The following FIGN variants were observed in gnomAD, a reference collection of about 807,000 sequenced individuals.
The protein encoded by FIGN is fidgetin, microtubule severing factor.
FIGN carries 11 observed loss-of-function variants against 51.3 expected under a neutral mutation model. The ratio of observed to expected loss-of-function variants is 0.21; its 90% CI spans 0.13 to 0.35. The LOEUF (loss-of-function observed/expected upper bound fraction) is 0.35, where lower values mean the gene tolerates loss of function less well. FIGN is among the 10% of genes least tolerant of loss of function. The pLI, the probability that FIGN is intolerant of heterozygous loss-of-function variation, is 1.00. For synonymous variants in FIGN, 407 were observed against 363.2 expected (o/e 1.12, Z -1.37); for missense variants, 857 against 943.6 (o/e 0.91, Z 1.20).
intron 2 of FIGN, among the ~76,000 whole-genome samples, chr2:163,665,018 A>G (rs1006830657): frequency 1.3e-5 from 2 of 152,262 alleles, no homozygotes; most frequent in African/African-American, 4.8e-5. Context: ...GTAATTCAGA[A>G]GATAATTGAT....
chr2:163,617,249 T>C (rs1403244774), intron 2 of FIGN: 1 of 984,474 alleles, frequency 1.0e-6, no homozygotes. Context: ...TTTTACCTAA[T>C]TTTGTTCCAT....
chr2:163,618,477 C>T (rs185289801), intron 2 of FIGN, among the ~76,000 whole-genome samples: 1 of 151,174 alleles, frequency 6.6e-6, no homozygotes, highest in Admixed American at 6.6e-5. Flanking sequence ...AAATATAGTT[C>T]AGATACCTCA....
At chr2:163,713,348 C>A (rs909035174) in intron 2 of FIGN, among the ~76,000 whole-genome samples, 1 of 151,990 alleles carries the variant, frequency 6.6e-6, no homozygotes, top group Non-Finnish European at 1.5e-5. Context: ...GCTATGTCAT[C>A]AGAGTCTTCA....
At position 163,608,266 on chromosome 2, in the gene FIGN, T is replaced by A. The variant is rs1177624456; in HGVS notation, c.*1286A>T. 1 of 152,658 alleles carries A rather than the reference T, an allele frequency of 6.6e-6. No homozygotes were observed. The highest frequency in any genetic ancestry group is 1.5e-5 in the Non-Finnish European group (1 of 68,094). The allele number at this position is 152,658 out of a possible 1,614,324, so 9.5% of individuals were successfully genotyped here. A position where few individuals can be genotyped will look rare whatever the true frequency, so the allele number is the denominator to read the frequency against. On this transcript the variant is annotated 3_prime_UTR_variant, in exon 3 of 3. Transcript: ENST00000333129. ...GAGAGGTTCTTTGTGGATATATATATGTGTATGTAAGTTGGTTTGTTGGTT... is the reference window on the plus strand; with the variant it reads ...GAGAGGTTCTTTGTGGATATATATAAGTGTATGTAAGTTGGTTTGTTGGTT...
intron 2 of FIGN, among the ~76,000 whole-genome samples, chr2:163,623,595 G>A (rs111974838): frequency 6.7e-4 from 102 of 152,204 alleles, no homozygotes; most frequent in African/African-American, 2.3e-3. Context: ...TGAGTCATAG[G>A]TCTAAAAGTA....
At chr2:163,676,088 G>T (rs926809122) in intron 2 of FIGN, among the ~76,000 whole-genome samples, 12 of 151,340 alleles carry the variant, frequency 7.9e-5, no homozygotes, top group African/African-American at 2.9e-4. Context: ...GAATCAAATT[G>T]CCATTTACAA....
At chr2:163,723,090 C>T (rs1375200623) in intron 2 of FIGN, among the ~76,000 whole-genome samples, 3 of 151,866 alleles carry the variant, frequency 2.0e-5, no homozygotes, top group Admixed American at 6.6e-5. Flanking sequence ...GCTGGGGAGG[C>T]TGAGGCAGGA....
intron 2 of FIGN, among the ~76,000 whole-genome samples, chr2:163,694,992 A>C (rs966433172): frequency 6.6e-6 from 1 of 151,960 alleles, no homozygotes; most frequent in Non-Finnish European, 1.5e-5. Flanking sequence ...CCTTTCTCCC[A>C]GGCCCCAGAC....
At chr2:163,675,492 A>G (rs184461426) in intron 2 of FIGN, among the ~76,000 whole-genome samples, 5 of 152,330 alleles carry the variant, frequency 3.3e-5, no homozygotes, top group African/African-American at 1.2e-4. Context: ...GATCTACTGA[A>G]TCAGAAATTC....
chr2:163,633,457 G>A (rs138883102), intron 2 of FIGN, among the ~76,000 whole-genome samples: 13 of 152,208 alleles, frequency 8.5e-5, no homozygotes, highest in Admixed American at 5.9e-4. Context: ...GCTAATATGC[G>A]TAGGAGCCAG....
chr2:163,664,329 T>A (rs1683739002), intron 2 of FIGN, among the ~76,000 whole-genome samples: 1 of 152,236 alleles, frequency 6.6e-6, no homozygotes, highest in African/African-American at 2.4e-5. Context: ...TCTATGATCC[T>A]CTTCTCCAGT....
Position 163,634,089 on chromosome 2 carries a change from C to CGTGTGTGTGTGT in FIGN, c.26-22295_26-22284dup, listed in dbSNP as rs66956230. On this transcript the variant is annotated intron_variant, in intron 2 of 2. Transcript: ENST00000333129. ...CAATTCTTTTCTGTACGTATGTATG[C>CGTGTGTGTGTGT]GTGTGTGTGTGTGTGTGTGTGTGTG... Among the ~76,000 whole-genome samples the CGTGTGTGTGTGT allele has an allele frequency of 4.0e-3, 588 of 145,484 alleles. 3 individuals carry two copies. The highest frequency in any genetic ancestry group is 6.8e-3 in the Admixed American group (98 of 14,444).
At chr2:163,680,142 C>A (rs1684038643) in intron 2 of FIGN, among the ~76,000 whole-genome samples, 1 of 152,148 alleles carries the variant, frequency 6.6e-6, no homozygotes, top group African/African-American at 2.4e-5. Flanking sequence ...ATGGTGTGAT[C>A]TTTTAGATAC....
At position 163,689,601 on chromosome 2, in the gene FIGN, C is replaced by T. The variant is rs186593750; in HGVS notation, c.25+45302G>A. 2.0e-5 allele frequency among the ~76,000 whole-genome samples: 3 copies of T among 152,202 alleles called. No individual in the cohort carries two copies. In the East Asian group the frequency reaches 5.8e-4, roughly 29 times the overall value. On this transcript the variant is annotated intron_variant, in intron 2 of 2. Transcript: ENST00000333129. ...TAGAGAATTTCAATCGAGTAGTGTT[C>T]AAGTATTGAGTCAATCTGAATTACA...
intron 2 of FIGN, among the ~76,000 whole-genome samples, chr2:163,672,645 G>A (rs1654119701): frequency 6.6e-6 from 1 of 152,138 alleles, no homozygotes; most frequent in Admixed American, 6.5e-5. Context: ...CCGATTCCAT[G>A]CTTCAATTCC....
rs144221228 is a variant in FIGN at position 163,672,720 on chromosome 2, T to G, written c.26-60914A>C. Among the ~76,000 whole-genome samples, 90 of 152,320 alleles carry G rather than the reference T, an allele frequency of 5.9e-4. No individual in the cohort carries two copies. In the East Asian group the frequency reaches 0.016, roughly 27 times the overall value. On this transcript the variant is annotated intron_variant, in intron 2 of 2. Transcript: ENST00000333129. ...TAACAAGAAAAAAAAGCCACGATGA[T>G]GTTTAGAAGTTAACTTTAAACTCTT...
At chr2:163,631,581 T>C (rs561100592) in intron 2 of FIGN, among the ~76,000 whole-genome samples, 2 of 152,162 alleles carry the variant, frequency 1.3e-5, no homozygotes, top group Non-Finnish European at 2.9e-5. Context: ...GGAACCTGTC[T>C]GAGACTTTGG....
At chr2:163,669,035 T>TATATATATAC (rs1253146995) in intron 2 of FIGN, among the ~76,000 whole-genome samples, 3 of 148,604 alleles carry the variant, frequency 2.0e-5, no homozygotes, top group African/African-American at 7.4e-5. Flanking sequence ...TATATATATA[T>TATATATATAC]ACACTATAAA....
At chr2:163,632,148 C>A (rs1683154853) in intron 2 of FIGN, among the ~76,000 whole-genome samples, 1 of 151,572 alleles carries the variant, frequency 6.6e-6, no homozygotes, top group Non-Finnish European at 1.5e-5. Context: ...AACTCCATCT[C>A]AAAAAATATA....
Sources: allele counts gnomAD v4.1 joint callset (sites outside exome capture counted in the v4.1 genomes callset), GRCh38; gene constraint gnomAD v4.1.1; transcripts MANE v1.5; gene names NCBI Gene and HGNC (gene_info 2026-07-23, HGNC 2026-07-21).